BICD1: variants seen among roughly 807,000 people sequenced by gnomAD.
BICD1 encodes the protein BICD cargo adaptor 1.
In BICD1, 35 loss-of-function variants were observed where a neutral mutation model predicts 92.5. The ratio of observed to expected loss-of-function variants is 0.38; its 90% CI spans 0.29 to 0.50. The LOEUF is 0.50. Among genes scored for constraint, BICD1 ranks in the 20% least tolerant of loss-of-function variants. The pLI is 0.93. For synonymous variants in BICD1, 429 were observed against 465.1 expected (o/e 0.92, Z 1.00); for missense variants, 950 against 1,189.8 (o/e 0.80, Z 2.97).
chr12:32,348,723 AATATATAT>A (rs11272207), intron 8 of BICD1, among the ~76,000 whole-genome samples: 1,201 of 116,566 alleles, frequency 0.01, 11 homozygotes, highest in Non-Finnish European at 0.015. Flanking sequence ...CTCACACAAA[AATATATAT>A]ATATATATAT....
At chr12:32,311,051 T>C (rs1405210494) in intron 4 of BICD1, among the ~76,000 whole-genome samples, 2 of 152,014 alleles carry the variant, frequency 1.3e-5, no homozygotes, top group Non-Finnish European at 2.9e-5. Flanking sequence ...CTCTGTAAAA[T>C]ATTTTAAGAG....
At chr12:32,169,083 T>A (rs922052966) in intron 1 of BICD1, among the ~76,000 whole-genome samples, 1 of 152,134 alleles carries the variant, frequency 6.6e-6, no homozygotes, top group Admixed American at 6.6e-5. Flanking sequence ...GAGCTTTAGT[T>A]TCTGTAGTAG....
At chr12:32,305,422 TAGAG>T (rs1356655898) in intron 3 of BICD1, among the ~76,000 whole-genome samples, 2 of 151,614 alleles carry the variant, frequency 1.3e-5, no homozygotes, top group Non-Finnish European at 2.9e-5. Flanking sequence ...TTGAATTATA[TAGAG>T]AGTTATATAG....
chr12:32,357,093 C>T (rs1399035781), intron 8 of BICD1, among the ~76,000 whole-genome samples: 2 of 148,928 alleles, frequency 1.3e-5, no homozygotes, highest in African/African-American at 4.9e-5. Context: ...CTCATTGCAA[C>T]CTCCACCCCC....
intron 6 of BICD1, among the ~76,000 whole-genome samples, chr12:32,336,775 C>T (rs550375803): frequency 2.0e-5 from 3 of 152,146 alleles, no homozygotes; most frequent in East Asian, 1.9e-4. Flanking sequence ...AGCAGCCCCA[C>T]GATAACTCTG....
At chr12:32,177,578 C>T (rs1007360365) in intron 1 of BICD1, among the ~76,000 whole-genome samples, 6 of 150,278 alleles carry the variant, frequency 4.0e-5, no homozygotes, top group South Asian at 2.1e-4. Context: ...AAGATGTTCA[C>T]TGGCATGCTA....
chr12:32,374,734 A>ATTTTTTTTTTT (rs1179747608), intron 9 of BICD1, among the ~76,000 whole-genome samples: 44 of 80,090 alleles, frequency 5.5e-4, no homozygotes, highest in African/African-American at 7.7e-4. Context: ...CGCCCGGCTA[A>ATTTTTTTTTTT]TTTTTTTTTT....
intron 4 of BICD1, among the ~76,000 whole-genome samples, chr12:32,311,799 G>GGAAA (rs1486975897): frequency 6.6e-6 from 1 of 152,126 alleles, no homozygotes; most frequent in East Asian, 1.9e-4. Context: ...TCCTGGATCT[G>GGAAA]GAAAGGAAGG....
chr12:32,334,482 T>G, intron 5 of BICD1, 34 bp from the exon 6 acceptor site: 1 of 1,564,956 alleles, frequency 6.4e-7, no homozygotes, highest in Non-Finnish European at 8.6e-7. Flanking sequence ...TTTCCTGATA[T>G]GAAAATTGTA....
chr12:32,280,789 C>T (rs79218537), intron 2 of BICD1, among the ~76,000 whole-genome samples: 4,746 of 152,264 alleles, frequency 0.031, 251 homozygotes, highest in African/African-American at 0.11. Context: ...TTTTTACAGC[C>T]GTCCAGCCCT....
At chr12:32,157,098 A>T (rs75036920) in intron 1 of BICD1, among the ~76,000 whole-genome samples, 36 of 152,334 alleles carry the variant, frequency 2.4e-4, no homozygotes, top group South Asian at 4.1e-4. Context: ...TCTGGTTTTC[A>T]TAGGCTTAAA....
At chr12:32,367,496 C>A in intron 8 of BICD1, 174 bp from the exon 9 acceptor site, 2 of 515,180 alleles carry the variant, frequency 3.9e-6, no homozygotes, top group Middle Eastern at 5.0e-4. Context: ...AAAAAAAAAG[C>A]CTGTCTTTTC....
chr12:32,237,115 T>C (rs111883380), intron 2 of BICD1, among the ~76,000 whole-genome samples: 18,975 of 151,708 alleles, frequency 0.13, 1,963 homozygotes, highest in African/African-American at 0.28. Context: ...CTCCTGACCT[T>C]GTGATCTGCC....
intron 2 of BICD1, among the ~76,000 whole-genome samples, chr12:32,285,709 C>A (rs1272156766): frequency 6.6e-6 from 1 of 152,126 alleles, no homozygotes; most frequent in Non-Finnish European, 1.5e-5. Flanking sequence ...AGACTCAGCT[C>A]CCTGGAGGTG....
intron 8 of BICD1, chr12:32,354,276 T>G (rs1174292886): frequency 6.6e-6 from 1 of 152,212 alleles, no homozygotes; most frequent in African/African-American, 2.4e-5. Flanking sequence ...TAGCAAGGCA[T>G]GCTCTCATTC....
At chr12:32,178,215 C>T (rs747711745) in intron 1 of BICD1, among the ~76,000 whole-genome samples, 4 of 151,800 alleles carry the variant, frequency 2.6e-5, no homozygotes, top group East Asian at 1.9e-4. Context: ...TATTTGTCAC[C>T]GTCAGAGCTC....
At chr12:32,262,031 C>T (rs1176258021) in intron 2 of BICD1, among the ~76,000 whole-genome samples, 2 of 152,134 alleles carry the variant, frequency 1.3e-5, no homozygotes, top group Non-Finnish European at 2.9e-5. Flanking sequence ...TGGGTTGTTA[C>T]TATTAAACGT....
chr12:32,163,269 G>A (rs1943652038), intron 1 of BICD1, among the ~76,000 whole-genome samples: 2 of 151,990 alleles, frequency 1.3e-5, no homozygotes, highest in South Asian at 4.1e-4. Context: ...AATTTATGCA[G>A]CATTTGAGGG....
rs577101003 is a variant in BICD1, at chr12:32,209,552, C to A, written c.214-6695C>A. On this transcript the variant is annotated intron_variant, in intron 1 of 9. Coordinates refer to ENST00000652176, the MANE Select transcript of BICD1 (RefSeq NM_001714.4). ...GTACCATGTCAGGCCACTAGCCAAC[C>A]CTTTTCTTCCTACAAGTTAAATTAT... is the stretch of plus-strand genomic sequence containing the variant. Among the ~76,000 whole-genome samples the A allele has an allele frequency of 1.4e-4, 22 of 152,252 alleles. No homozygotes were observed. The South Asian group carries it at 4.4e-3, about 30-fold the overall frequency.
Sources: allele counts gnomAD v4.1 joint callset (sites outside exome capture counted in the v4.1 genomes callset), GRCh38; gene constraint gnomAD v4.1.1; transcripts MANE v1.5; gene names NCBI Gene and HGNC (gene_info 2026-07-23, HGNC 2026-07-21).